Variants in CASP5 observed in about 807,000 individuals in gnomAD.
The protein encoded by CASP5 is caspase 5, also known as caspase-5.
Under a neutral mutation model 45.2 loss-of-function variants are expected in CASP5, and 42 were observed. That is an observed-to-expected ratio of 0.93 (90% CI 0.73 to 1.20). The LOEUF (loss-of-function observed/expected upper bound fraction) is 1.20. CASP5 is among the 50% of genes most tolerant of loss of function. The probability of loss-of-function intolerance (pLI) is 0.00; values close to 1 mark genes in which losing one functional copy is unlikely to be tolerated. For synonymous variants in CASP5, 209 were observed against 186.2 expected, an observed-to-expected ratio of 1.12 and a Z score of -1.00; for missense variants, 512 against 532.2, an observed-to-expected ratio of 0.96 and a Z score of 0.37.
chr11:104,998,135 T>A (rs45539433), intron 7 of CASP5, among the ~76,000 whole-genome samples: 2,732 of 152,278 alleles, frequency 0.018, 81 homozygotes, highest in African/African-American at 0.056. Context: ...TGGAGGAATC[T>A]TTTGGAGGAG....
At chr11:105,020,938 A>G (rs1461053034) in intron 1 of CASP5, among the ~76,000 whole-genome samples, 1 of 152,166 alleles carries the variant, frequency 6.6e-6, no homozygotes, top group Non-Finnish European at 1.5e-5. Context: ...CCAAAACAGC[A>G]TGGTACTGGT....
At chr11:105,022,338 A>G (rs938770111) in intron 1 of CASP5, among the ~76,000 whole-genome samples, 2 of 151,940 alleles carry the variant, frequency 1.3e-5, no homozygotes, top group African/African-American at 4.8e-5. Flanking sequence ...TTAAAGAAAA[A>G]AAAAGACTGC....
chr11:105,009,744 T>G (rs867279324), intron 1 of CASP5, among the ~76,000 whole-genome samples: 1 of 69,324 alleles, frequency 1.4e-5, no homozygotes, highest in Non-Finnish European at 2.6e-5. Context: ...TATATATATA[T>G]ATATATATAT....
At chr11:105,017,754 T>A (rs2134756626) in intron 1 of CASP5, among the ~76,000 whole-genome samples, 1 of 152,226 alleles carries the variant, frequency 6.6e-6, no homozygotes, top group South Asian at 2.1e-4. Flanking sequence ...CCAGGAGAAC[T>A]TCCCCAATAT....
intron 1 of CASP5, among the ~76,000 whole-genome samples, chr11:105,020,353 G>A (rs1404789210): frequency 6.6e-6 from 1 of 151,940 alleles, no homozygotes; most frequent in Non-Finnish European, 1.5e-5. Context: ...ATTAGGAAAA[G>A]TGGAAGTCAA....
intron 2 of CASP5, among the ~76,000 whole-genome samples, chr11:105,007,620 C>T (rs45583236): frequency 0.056 from 8,491 of 152,056 alleles, 720 homozygotes; most frequent in African/African-American, 0.19. Context: ...TCACCTGCTG[C>T]TTTCATATTT....
chr11:104,999,229 G>GGT (rs1861614055), intron 6 of CASP5, among the ~76,000 whole-genome samples: 1 of 151,820 alleles, frequency 6.6e-6, no homozygotes, highest in South Asian at 2.1e-4. Flanking sequence ...GACTGGCCCC[G>GGT]GTGTGTGATA....
intron 1 of CASP5, among the ~76,000 whole-genome samples, chr11:105,017,990 A>G (rs371865643): frequency 3.3e-5 from 5 of 152,188 alleles, no homozygotes; most frequent in Non-Finnish European, 1.5e-5. Flanking sequence ...GAAGAGAATG[A>G]GGGCCAATAT....
At chr11:105,016,663 G>A (rs1347081556) in intron 1 of CASP5, among the ~76,000 whole-genome samples, 1 of 152,168 alleles carries the variant, frequency 6.6e-6, no homozygotes, top group Non-Finnish European at 1.5e-5. Flanking sequence ...CTACGCCCAC[G>A]GAGTCTCGCT....
At chr11:105,013,906 A>T (rs960383094) in intron 1 of CASP5, among the ~76,000 whole-genome samples, 1 of 152,170 alleles carries the variant, frequency 6.6e-6, no homozygotes, top group Non-Finnish European at 1.5e-5. Context: ...CTTATTCCCC[A>T]ACTCAATTCA....
intron 2 of CASP5, 146 bp downstream of exon 2, chr11:105,008,661 C>T (rs1013856883): frequency 1.3e-5 from 8 of 626,318 alleles, no homozygotes; most frequent in Admixed American, 6.1e-5. Context: ...CAAGGTAGTC[C>T]CTGAAGGAAA....
In CASP5 at chr11:105,008,848, G is replaced by T. The variant is rs149117572; in HGVS notation, c.140C>A (p.Thr47Asn). ...NNVAGQTSIQ[T>N]LVPNTDQKST... ...CTTTTGATCCGTATTAGGTACTAGG[G>T]TCTGGATAGATGTTTGTCCAGCCAC... The change falls in exon 2 of 10, where the codon ACC becomes AAC. Residue 47 changes from threonine to asparagine, a missense_variant. Transcript: ENST00000260315. 6.2e-7 allele frequency: 1 copy of T among 1,613,080 alleles called. No homozygotes were observed. Among genetic ancestry groups the T allele is most frequent in the South Asian group, 1.1e-5 (1 of 91,054 alleles).
At chr11:105,014,979 A>G (rs945435953) in intron 1 of CASP5, among the ~76,000 whole-genome samples, 5 of 152,214 alleles carry the variant, frequency 3.3e-5, no homozygotes, top group Non-Finnish European at 5.9e-5. Flanking sequence ...CTGGTCCCCT[A>G]ACAGAGAGCA....
At chr11:104,996,469 T>G (rs1274884658) in intron 8 of CASP5, among the ~76,000 whole-genome samples, 1 of 152,232 alleles carries the variant, frequency 6.6e-6, no homozygotes, top group East Asian at 1.9e-4. Flanking sequence ...TACAATCTTC[T>G]TTAAACACCA....
At chr11:105,011,079 A>G (rs1862324962) in intron 1 of CASP5, among the ~76,000 whole-genome samples, 1 of 151,762 alleles carries the variant, frequency 6.6e-6, no homozygotes, top group African/African-American at 2.4e-5. Flanking sequence ...GAGAGTTTAC[A>G]GAGGCTTCTT....
intron 1 of CASP5, among the ~76,000 whole-genome samples, chr11:105,017,149 C>T (rs1410358548): frequency 6.6e-6 from 1 of 151,890 alleles, no homozygotes; most frequent in Non-Finnish European, 1.5e-5. Flanking sequence ...CACCAAAAAC[C>T]CATCTGTACA....
Position 104,994,280 on chromosome 11 carries a change from T to C in CASP5, c.*72A>G, listed in dbSNP as rs1409518594. The C allele has an allele frequency of 6.6e-6, 1 of 152,188 alleles. No homozygotes were observed. The highest frequency in any genetic ancestry group is 1.5e-5 in the Non-Finnish European group (1 of 68,040). 9.4% of individuals were successfully genotyped at this position (152,188 alleles called of 1,614,324 possible). On this transcript the variant is annotated 3_prime_UTR_variant, in exon 10 of 10. Coordinates refer to ENST00000260315, the MANE Select transcript of CASP5 (RefSeq NM_004347.5). Reference sequence around the variant, plus strand: ...TTTTATTGAAATACCAAATATTGACTATGCAAGCTATACTGGTAAATGTGC... The same window carrying C: ...TTTTATTGAAATACCAAATATTGACCATGCAAGCTATACTGGTAAATGTGC...
At chr11:105,006,272 A>G (rs1292455363) in intron 3 of CASP5, among the ~76,000 whole-genome samples, 1 of 152,202 alleles carries the variant, frequency 6.6e-6, no homozygotes, top group East Asian at 1.9e-4. Flanking sequence ...GAAAATTCCA[A>G]TTTGTAGCGC....
chr11:105,012,846 A>G (rs114338124), intron 1 of CASP5, among the ~76,000 whole-genome samples: 4,287 of 151,984 alleles, frequency 0.028, 183 homozygotes, highest in African/African-American at 0.097. Flanking sequence ...ATAATGAAAA[A>G]CAATAGGAAA....
Sources: allele counts gnomAD v4.1 joint callset (sites outside exome capture counted in the v4.1 genomes callset), GRCh38; gene constraint gnomAD v4.1.1; transcripts MANE v1.5; gene names NCBI Gene and HGNC (gene_info 2026-07-23, HGNC 2026-07-21).